Variants in LARGE1 observed in about 807,000 individuals in gnomAD.
LARGE1 encodes the protein LARGE xylosyl- and glucuronyltransferase 1.
LARGE1 carries 43 observed loss-of-function variants against 87.6 expected under a neutral mutation model. The ratio of observed to expected loss-of-function variants is 0.49; its 90% confidence interval spans 0.38 to 0.63. LARGE1 has a LOEUF of 0.63. Among genes scored for constraint, LARGE1 ranks in the 30% least tolerant of loss-of-function variants. The probability of loss-of-function intolerance (pLI) is 0.00; values close to 1 mark genes in which losing one functional copy is unlikely to be tolerated. For missense variants in LARGE1, 802 were observed against 1,000.2 expected (o/e 0.80, Z 2.67); for synonymous variants, 434 against 394.6 (o/e 1.10, Z -1.18).
At chr22:33,236,577 T>C (rs902846215) in intron 11 of LARGE1, among the ~76,000 whole-genome samples, 4 of 152,226 alleles carry the variant, frequency 2.6e-5, no homozygotes, top group African/African-American at 9.6e-5. Flanking sequence ...GCAAGTTTCA[T>C]GATTTTTTCC....
Position 33,760,649 on chromosome 22 carries a change from C to T in LARGE1, c.106+722G>A, listed in dbSNP as rs146598095. Among the ~76,000 whole-genome samples, 379 of 152,318 alleles carry T rather than the reference C, an allele frequency of 2.5e-3. 2 individuals are homozygous for T. Among genetic ancestry groups the T allele is most frequent in the African/African-American group, 8.6e-3 (357 of 41,580 alleles). ...ATAATAACAACAACACAGCCAGGCG[C>T]AGTGGCTCACACTTGTAATCCCAGC... is the stretch of plus-strand genomic sequence containing the variant. On this transcript the variant is annotated intron_variant, in intron 2 of 14. Coordinates refer to ENST00000397394, the MANE Select transcript of LARGE1 (RefSeq NM_133642.5).
At chr22:33,762,715 G>A (rs2145741168) in intron 1 of LARGE1, among the ~76,000 whole-genome samples, 1 of 152,308 alleles carries the variant, frequency 6.6e-6, no homozygotes, top group South Asian at 2.1e-4. Flanking sequence ...GAGGGAGCAG[G>A]TTGGTGCAGA....
chr22:33,883,787 A>C (rs1342094158), intron 1 of LARGE1, among the ~76,000 whole-genome samples: 3 of 152,182 alleles, frequency 2.0e-5, no homozygotes, highest in Non-Finnish European at 4.4e-5. Context: ...TTACCTCTGC[A>C]AACCCTCCCG....
chr22:33,862,278 TC>T (rs2063951360), intron 1 of LARGE1, among the ~76,000 whole-genome samples: 1 of 152,130 alleles, frequency 6.6e-6, no homozygotes, highest in South Asian at 2.1e-4. Flanking sequence ...CTGCCAAAGA[TC>T]CTGTAAGCTG....
chr22:33,476,413 C>CCTACTACTT (rs980819632), intron 6 of LARGE1, among the ~76,000 whole-genome samples: 31 of 152,190 alleles, frequency 2.0e-4, no homozygotes, highest in African/African-American at 7.2e-4. Flanking sequence ...GGAAGCTCCG[C>CCTACTACTT]CTACTACTTC....
chr22:33,744,673 G>A (rs979363276), intron 2 of LARGE1, among the ~76,000 whole-genome samples: 7 of 151,968 alleles, frequency 4.6e-5, no homozygotes, highest in East Asian at 1.9e-4. Flanking sequence ...GCTCTGCCAC[G>A]CTCACGCCCT....
At chr22:33,571,045 T>C (rs577548750) in intron 5 of LARGE1, among the ~76,000 whole-genome samples, 3 of 152,310 alleles carry the variant, frequency 2.0e-5, no homozygotes, top group Admixed American at 1.3e-4. Context: ...GTTCGTGTAA[T>C]TAAAATGATA....
At chr22:33,115,412 A>G in the LARGE1 span, among the ~76,000 whole-genome samples, 1 of 151,406 alleles carries the variant, frequency 6.6e-6, no homozygotes, top group Non-Finnish European at 1.5e-5. Context: ...CCCATTCTCC[A>G]TCGCTCCTGC....
intron 5 of LARGE1, among the ~76,000 whole-genome samples, chr22:33,568,834 A>AGATGGATG (rs960879660): frequency 6.6e-6 from 1 of 151,372 alleles, no homozygotes; most frequent in African/African-American, 2.4e-5. Flanking sequence ...TATCTGGAAC[A>AGATGGATG]GATGGATGGA....
chr22:33,221,879 AG>A (rs1925473654), intron 11 of LARGE1: 1 of 152,250 alleles, frequency 6.6e-6, no homozygotes, highest in Admixed American at 6.5e-5. Flanking sequence ...TAAAAGGGAA[AG>A]GAGGTTTATA....
Position 33,422,791 on chromosome 22 carries a change from CA to C in LARGE1, c.892+9369del, listed in dbSNP as rs1364482907. 3.3e-5 allele frequency among the ~76,000 whole-genome samples: 5 copies of C among 152,148 alleles called. No homozygotes were observed. The East Asian group carries it at 9.7e-4, about 29-fold the overall frequency. On this transcript the variant is annotated intron_variant, in intron 7 of 14. Transcript: ENST00000397394. Reference sequence around the variant, plus strand: ...TACACACTTTTAAACAACCAGATCTCATGAGAACTCACTCACTATCATGAGA... The same window carrying C: ...TACACACTTTTAAACAACCAGATCTCTGAGAACTCACTCACTATCATGAGA...
At chr22:33,380,919 C>T (rs544846682) in intron 9 of LARGE1, among the ~76,000 whole-genome samples, 151 of 152,216 alleles carry the variant, frequency 9.9e-4, no homozygotes, top group Non-Finnish European at 1.8e-3. Flanking sequence ...ATTCTTTACT[C>T]CTTCCACTGT....
At chr22:33,855,467 AG>A (rs1328363264) in intron 1 of LARGE1, among the ~76,000 whole-genome samples, 4 of 152,220 alleles carry the variant, frequency 2.6e-5, no homozygotes, top group Non-Finnish European at 5.9e-5. Flanking sequence ...CAACCCAGAA[AG>A]GATCAGGCGA....
At chr22:33,716,617 C>G (rs375656032) in intron 2 of LARGE1, among the ~76,000 whole-genome samples, 1 of 152,236 alleles carries the variant, frequency 6.6e-6, no homozygotes, top group South Asian at 2.1e-4. Flanking sequence ...AGGCTGGTCT[C>G]GAACTCCTGC....
chr22:33,142,052 A>T, the LARGE1 span, among the ~76,000 whole-genome samples: 1 of 152,170 alleles, frequency 6.6e-6, no homozygotes, highest in Non-Finnish European at 1.5e-5. Context: ...ACAAAACAAG[A>T]CTTTTTTTTA....
intron 2 of LARGE1, among the ~76,000 whole-genome samples, chr22:33,654,728 GC>G (rs1259649117): frequency 6.6e-6 from 1 of 152,148 alleles, no homozygotes; most frequent in Non-Finnish European, 1.5e-5. Flanking sequence ...TAGTTATACA[GC>G]CCATTACATA....
At chr22:33,502,885 A>G (rs1324260602) in intron 6 of LARGE1, among the ~76,000 whole-genome samples, 1 of 147,892 alleles carries the variant, frequency 6.8e-6, no homozygotes, top group Non-Finnish European at 1.5e-5. Context: ...GGGTGAATGA[A>G]AGAGTCCCTG....
At chr22:33,846,349 A>G (rs1411666561) in intron 1 of LARGE1, among the ~76,000 whole-genome samples, 1 of 152,210 alleles carries the variant, frequency 6.6e-6, no homozygotes, top group African/African-American at 2.4e-5. Flanking sequence ...TTCCCCAATC[A>G]ATACCCTTGT....
At chr22:33,757,252 A>G (rs1420409157) in intron 2 of LARGE1, among the ~76,000 whole-genome samples, 1 of 152,152 alleles carries the variant, frequency 6.6e-6, no homozygotes, top group African/African-American at 2.4e-5. Flanking sequence ...TTATGCATTG[A>G]TCCTGCTTCC....
Sources: gnomAD v4.1 joint callset for allele counts (sites outside exome capture counted in the v4.1 genomes callset) on GRCh38, gnomAD v4.1.1 for gene constraint, MANE v1.5 for transcripts, NCBI Gene and HGNC (gene_info 2026-07-23, HGNC 2026-07-21) for gene names.